COL6A5: variants seen among roughly 807,000 people sequenced by gnomAD.
COL6A5 encodes collagen alpha-5(VI) chain.
Under a neutral mutation model 65.6 loss-of-function variants are expected in COL6A5, and 48 were observed. The observed-to-expected ratio is 0.73, with a 90% CI of 0.58 to 0.93. The LOEUF (loss-of-function observed/expected upper bound fraction) is 0.93, where lower values mean the gene tolerates loss of function less well. Ranked by LOEUF, COL6A5 falls within the 40% of genes least tolerant of loss-of-function variation. COL6A5 has a pLI of 0.00. For synonymous variants in COL6A5, 291 were observed against 322.8 expected (o/e 0.90, Z 1.05); for missense variants, 914 against 928.3 (o/e 0.98, Z 0.20).
chr3:130,470,288 A>C (rs1709915233), intron 6 of COL6A5, among the ~76,000 whole-genome samples: 1 of 152,090 alleles, frequency 6.6e-6, no homozygotes, highest in Non-Finnish European at 1.5e-5. Context: ...GGAATTAGGA[A>C]TGTGGCAGAG....
At chr3:130,453,648 A>T (rs1006661161) in intron 4 of COL6A5, among the ~76,000 whole-genome samples, 10 of 152,292 alleles carry the variant, frequency 6.6e-5, no homozygotes, top group African/African-American at 2.4e-4. Flanking sequence ...TTGCCCTCAA[A>T]CTGAGTGAAA....
At chr3:130,473,547 G>A (rs1710012685) in intron 7 of COL6A5, among the ~76,000 whole-genome samples, 1 of 152,026 alleles carries the variant, frequency 6.6e-6, no homozygotes, top group African/African-American at 2.4e-5. Flanking sequence ...TCTTGTTGAA[G>A]GCCAAAAGAG....
intron 2 of COL6A5, among the ~76,000 whole-genome samples, chr3:130,375,187 A>G (rs1244441077): frequency 6.6e-6 from 1 of 152,154 alleles, no homozygotes; most frequent in African/African-American, 2.4e-5. Flanking sequence ...TGCTGGCAAC[A>G]GCTCATGGCT....
chr3:130,383,549 A>G lies in COL6A5; in HGVS notation c.1301-1255A>G, dbSNP rs1010356823. ...CCCTGTCTTTTGCAGATAACCGCTTATCTTTGCCCTAATGCTTTATGTATT... is the reference window on the plus strand; with the variant it reads ...CCCTGTCTTTTGCAGATAACCGCTTGTCTTTGCCCTAATGCTTTATGTATT... On this transcript the variant is annotated intron_variant and NMD_transcript_variant, in intron 4 of 41. Transcript: ENST00000312481. 4.6e-5 allele frequency among the ~76,000 whole-genome samples: 7 copies of G among 152,046 alleles called. No individual in the cohort carries two copies. The East Asian group carries it at 9.7e-4, about 21-fold the overall frequency.
intron 28 of COL6A5, 116 bp from the exon 29 acceptor site, chr3:130,423,722 A>C: frequency 1.5e-6 from 1 of 660,970 alleles, no homozygotes. Context: ...GACTTCAATT[A>C]ATAGCTGCTA....
Position 130,406,332 on chromosome 3 carries a change from T to C in COL6A5, c.4479+11T>C. ...GATCCAGGATCTCAGGTAACACTTT[T>C]CTTTTCAATACTTCAAAGAAGGAGA... On this transcript the variant is annotated intron_variant and NMD_transcript_variant, in intron 17 of 41. Coordinates refer to the COL6A5 transcript ENST00000312481. The C allele has an allele frequency of 6.5e-7, 1 of 1,542,852 alleles. No homozygotes were observed.
chr3:130,352,757 A>G (rs1475186994), intron 1 of COL6A5, among the ~76,000 whole-genome samples: 2 of 152,188 alleles, frequency 1.3e-5, no homozygotes, highest in Non-Finnish European at 2.9e-5. Context: ...CTTAATTTTA[A>G]CCATTGTGAT....
intron 2 of COL6A5, among the ~76,000 whole-genome samples, chr3:130,374,064 G>A (rs181430035): frequency 2.0e-5 from 3 of 152,154 alleles, no homozygotes; most frequent in Non-Finnish European, 4.4e-5. Context: ...AAGTATTTTC[G>A]TGACTAAAAC....
intron 13 of COL6A5, 101 bp downstream of exon 13, chr3:130,403,763 C>G: frequency 1.1e-6 from 1 of 882,404 alleles, no homozygotes; most frequent in Non-Finnish European, 1.6e-6. Flanking sequence ...ATAAAAAAAG[C>G]TTATTTTCAT....
intron 3 of COL6A5, among the ~76,000 whole-genome samples, chr3:130,442,772 A>T (rs1709215465): frequency 6.6e-6 from 1 of 152,254 alleles, no homozygotes; most frequent in Non-Finnish European, 1.5e-5. Context: ...TTAAAGAAAT[A>T]GAAAAAAGGA....
chr3:130,404,008 C>G (rs1936903662), intron 13 of COL6A5, among the ~76,000 whole-genome samples: 1 of 152,120 alleles, frequency 6.6e-6, no homozygotes, highest in Non-Finnish European at 1.5e-5. Context: ...TGGGCACCCT[C>G]CTCTCTACCC....
chr3:130,391,874 G>T (rs748061184), intron 7 of COL6A5, 120 bp downstream of exon 7: 19 of 790,998 alleles, frequency 2.4e-5, no homozygotes, highest in Non-Finnish European at 3.5e-5. Flanking sequence ...TCTCTGCTCA[G>T]GCTATCAGTT....
exon 6 of COL6A5, chr3:130,469,100 A>G: frequency 6.2e-7 from 1 of 1,613,090 alleles, no homozygotes; most frequent in Non-Finnish European, 8.5e-7. Flanking sequence ...TACTTATAAC[A>G]GTATACACCA....
chr3:130,387,278 A>G (rs1235479224), intron 5 of COL6A5, among the ~76,000 whole-genome samples: 2 of 152,118 alleles, frequency 1.3e-5, no homozygotes, highest in Non-Finnish European at 2.9e-5. Context: ...GGGAAATACA[A>G]TCTTTAGATG....
intron 6 of COL6A5, among the ~76,000 whole-genome samples, chr3:130,470,543 T>A (rs1186001532): frequency 1.6e-4 from 25 of 151,744 alleles, no homozygotes; most frequent in African/African-American, 6.0e-4. Context: ...AAAAATAAAA[T>A]ATAAACATTT....
chr3:130,455,685 A>T lies in COL6A5; in HGVS notation c.1544+19A>T, dbSNP rs1480446786. ...ACTTCTGGTAAGAAAATGAAAAGTC[A>T]TGATGGAAATGTTTAAATAGCCAGG... is the stretch of plus-strand genomic sequence containing the variant. On this transcript the variant is annotated intron_variant, in intron 5 of 7. Coordinates refer to ENST00000512836, the Ensembl canonical transcript of COL6A5. The T allele has an allele frequency of 1.3e-6, 2 of 1,555,048 alleles. No individual in the cohort carries two copies. The highest frequency in any genetic ancestry group is 1.7e-5 in the Admixed American group (1 of 59,430).
chr3:130,462,171 A>G (rs567807682), intron 5 of COL6A5, among the ~76,000 whole-genome samples: 14 of 152,238 alleles, frequency 9.2e-5, no homozygotes, highest in African/African-American at 1.4e-4. Context: ...CATCAGATAC[A>G]TACATATTTG....
chr3:130,354,110 AAG>A (rs1235329128), intron 1 of COL6A5, among the ~76,000 whole-genome samples: 1 of 151,830 alleles, frequency 6.6e-6, no homozygotes, highest in Non-Finnish European at 1.5e-5. Flanking sequence ...AAGAGAAAGA[AAG>A]GGGAAGGAAG....
At chr3:130,388,940 A>G in exon 6 of COL6A5, 1 of 1,548,034 alleles carries the variant, frequency 6.5e-7, no homozygotes, top group Non-Finnish European at 8.7e-7. Context: ...GGAGTAGCGC[A>G]GGATGATGTG....
Sources: allele counts gnomAD v4.1 joint callset (sites outside exome capture counted in the v4.1 genomes callset), GRCh38; gene constraint gnomAD v4.1.1; transcripts MANE v1.5; gene names NCBI Gene and HGNC (gene_info 2026-07-23, HGNC 2026-07-21).